ADGRB3: variants seen among roughly 807,000 people sequenced by gnomAD.
ADGRB3 encodes the protein brain-specific angiogenesis inhibitor 3.
In ADGRB3, 37 loss-of-function variants were observed where a neutral mutation model predicts 193.4. The ratio of observed to expected loss-of-function variants is 0.19; its 90% CI spans 0.15 to 0.25. ADGRB3 has a LOEUF of 0.25. Among genes scored for constraint, ADGRB3 ranks in the 10% least tolerant of loss-of-function variants. The probability of loss-of-function intolerance (pLI) is 1.00; values close to 1 mark genes in which losing one functional copy is unlikely to be tolerated. For missense variants in ADGRB3, 1,637 were observed against 1,852.9 expected (o/e 0.88, Z 2.14); for synonymous variants, 690 against 644.2 (o/e 1.07, Z -1.08).
intron 17 of ADGRB3, among the ~76,000 whole-genome samples, chr6:69,176,936 T>G (rs1342934979): frequency 1.3e-5 from 2 of 152,238 alleles, no homozygotes; most frequent in Non-Finnish European, 2.9e-5. Flanking sequence ...CATAATAGTC[T>G]TTCAGGATTT....
At chr6:68,940,833 A>G (rs145781308) in intron 5 of ADGRB3, among the ~76,000 whole-genome samples, 6,846 of 152,190 alleles carry the variant, frequency 0.045, 294 homozygotes, top group Admixed American at 0.11. Context: ...CAGAGATTGC[A>G]GTGAGCCGAG....
chr6:69,331,943 T>G, intron 23 of ADGRB3: 1 of 985,300 alleles, frequency 1.0e-6, no homozygotes, highest in South Asian at 4.7e-5. Context: ...TCTTCCTAAG[T>G]CCATACTTAA....
At chr6:69,367,336 T>C (rs1769593951) in intron 29 of ADGRB3, among the ~76,000 whole-genome samples, 1 of 152,118 alleles carries the variant, frequency 6.6e-6, no homozygotes, top group African/African-American at 2.4e-5. Flanking sequence ...TCACAATGTG[T>C]CTTTATAGCA....
chr6:69,313,076 A>C (rs1464024354), intron 20 of ADGRB3, among the ~76,000 whole-genome samples: 1 of 151,884 alleles, frequency 6.6e-6, no homozygotes, highest in Admixed American at 6.6e-5. Context: ...AAGGTCACAC[A>C]TTTGGTAGCT....
At chr6:69,188,151 A>G (rs1401884222) in intron 17 of ADGRB3, among the ~76,000 whole-genome samples, 1 of 152,152 alleles carries the variant, frequency 6.6e-6, no homozygotes, top group Non-Finnish European at 1.5e-5. Flanking sequence ...TGAGGCCCAG[A>G]TTCATAAAAT....
At chr6:68,955,078 T>A (rs1251045821) in intron 6 of ADGRB3, among the ~76,000 whole-genome samples, 2 of 152,136 alleles carry the variant, frequency 1.3e-5, no homozygotes, top group African/African-American at 2.4e-5. Context: ...CTCTCCTCAC[T>A]CAGCACTCTA....
chr6:69,119,953 G>A (rs1773638457), intron 17 of ADGRB3, among the ~76,000 whole-genome samples: 1 of 152,172 alleles, frequency 6.6e-6, no homozygotes, highest in Non-Finnish European at 1.5e-5. Flanking sequence ...ATTTCAGTGA[G>A]CCAGATGAGA....
intron 4 of ADGRB3, 44 bp downstream of exon 4, chr6:68,930,713 A>G (rs772949836): frequency 1.2e-5 from 16 of 1,347,714 alleles, no homozygotes; most frequent in African/African-American, 1.0e-4. Context: ...TGTTAATTTA[A>G]TGAAACCACT....
At chr6:69,051,145 C>T (rs1771381773) in intron 15 of ADGRB3, among the ~76,000 whole-genome samples, 1 of 152,008 alleles carries the variant, frequency 6.6e-6, no homozygotes. Context: ...ATGACAGAGG[C>T]AGTTTGTCTC....
At chr6:68,677,125 G>C (rs748715576) in intron 3 of ADGRB3, among the ~76,000 whole-genome samples, 1 of 152,028 alleles carries the variant, frequency 6.6e-6, no homozygotes, top group Non-Finnish European at 1.5e-5. Context: ...GCAAGAATAC[G>C]TACTATATTG....
At position 69,339,857 on chromosome 6, in the gene ADGRB3, A is replaced by C. The variant is rs114320188; in HGVS notation, c.3459+353A>C. On this transcript the variant is annotated intron_variant, in intron 26 of 31. Transcript: ENST00000370598. ...ATAGAGGCATAAGTTTTAAAGACAC[A>C]GTTCATGAGCATAATGCAGTGATAG... Among the ~76,000 whole-genome samples, 667 of 152,340 alleles carry C rather than the reference A, an allele frequency of 4.4e-3. 7 individuals are homozygous for C. Among genetic ancestry groups the C allele is most frequent in the African/African-American group, 0.015 (644 of 41,576 alleles).
chr6:68,975,189 A>G (rs894629732), intron 9 of ADGRB3, 45 bp from the exon 10 acceptor site: 10 of 1,525,194 alleles, frequency 6.6e-6, no homozygotes, highest in Non-Finnish European at 9.1e-6. Context: ...GATGCCTTCA[A>G]ACATCCCTAT....
chr6:69,314,789 G>A (rs1034089207), intron 20 of ADGRB3, among the ~76,000 whole-genome samples: 3 of 151,470 alleles, frequency 2.0e-5, no homozygotes, highest in Non-Finnish European at 4.4e-5. Flanking sequence ...AGGGAGGTTA[G>A]GTGAAGTGAT....
chr6:68,924,997 T>TG (rs960238788), intron 3 of ADGRB3, among the ~76,000 whole-genome samples: 20 of 152,000 alleles, frequency 1.3e-4, no homozygotes, highest in African/African-American at 4.8e-4. Context: ...TATGGTTCTA[T>TG]GGGGAAATGA....
At chr6:69,103,444 A>G (rs922276972) in intron 17 of ADGRB3, among the ~76,000 whole-genome samples, 6 of 152,190 alleles carry the variant, frequency 3.9e-5, no homozygotes, top group African/African-American at 1.4e-4. Flanking sequence ...TGTCATAACT[A>G]GAGTATGCCA....
rs139557699 is a variant in ADGRB3 at position 69,252,674 on chromosome 6, T to C, written c.2814+13448T>C. On this transcript the variant is annotated intron_variant, in intron 20 of 31. Coordinates refer to ENST00000370598, the MANE Select transcript of ADGRB3 (RefSeq NM_001704.3). ...TATTGTGATGTGTCTGTTCAAGTCA[T>C]TTCTCTCTTTTTTATTTAGATTGTT... Among the ~76,000 whole-genome samples the C allele has an allele frequency of 3.3e-3, 497 of 152,232 alleles. 1 individual carries two copies. The highest frequency in any genetic ancestry group is 0.011 in the African/African-American group (469 of 41,568).
At chr6:68,798,671 TTAAAG>T (rs1419072905) in intron 3 of ADGRB3, among the ~76,000 whole-genome samples, 19 of 152,134 alleles carry the variant, frequency 1.2e-4, no homozygotes, top group Admixed American at 7.9e-4. Context: ...ACCCCAGAAC[TTAAAG>T]TATAGTAAGA....
chr6:68,784,858 G>A (rs566516696), intron 3 of ADGRB3, among the ~76,000 whole-genome samples: 64 of 152,204 alleles, frequency 4.2e-4, no homozygotes, highest in African/African-American at 1.5e-3. Flanking sequence ...TGATACTAAA[G>A]TAGTACATTT....
intron 16 of ADGRB3, among the ~76,000 whole-genome samples, chr6:69,073,440 G>T (rs1267003073): frequency 2.0e-5 from 3 of 152,064 alleles, no homozygotes; most frequent in African/African-American, 7.2e-5. Context: ...ATGGCCATGA[G>T]AGATTAGGCT....
Sources: allele counts gnomAD v4.1 joint callset (sites outside exome capture counted in the v4.1 genomes callset), GRCh38; gene constraint gnomAD v4.1.1; transcripts MANE v1.5; gene names NCBI Gene and HGNC (gene_info 2026-07-23, HGNC 2026-07-21).